NUF2: variants seen among roughly 807,000 people sequenced by gnomAD.
The protein encoded by NUF2 is NUF2 component of NDC80 kinetochore complex.
NUF2 carries 34 observed loss-of-function variants against 61.8 expected under a neutral mutation model. That is an observed-to-expected ratio of 0.55 (90% CI 0.42 to 0.73). The LOEUF (loss-of-function observed/expected upper bound fraction) is 0.73. NUF2 is among the 30% of genes least tolerant of loss of function. NUF2 has a pLI of 0.00. For synonymous variants in NUF2, 172 were observed against 181.6 expected (o/e 0.95, Z 0.42); for missense variants, 445 against 539.1 (o/e 0.83, Z 1.73).
At chr1:163,338,237 TA>T (rs11330875) in intron 7 of NUF2, 144 bp downstream of exon 7, 112,069 of 370,092 alleles carry the variant, frequency 0.3, 8,594 homozygotes, top group East Asian at 0.47. Flanking sequence ...TGCCTTTTCT[TA>T]AAAAAAAAAA....
Position 163,343,747 on chromosome 1 carries a change from G to A in NUF2, c.684G>A (p.Leu228=), listed in dbSNP as rs375949382. Residue 228 remains leucine, a synonymous_variant, in exon 10 of 14, where the codon TTG becomes TTA. Transcript: ENST00000271452. The part of the protein sequence containing the change: ...EKTKRLNELK[L]SVVSLKEIQE... ...TTTCTCAACAGAATGAACTAAAATT[G>A]TCGGTGGTTTCTTTGAAAGAAATAC... is the stretch of plus-strand genomic sequence containing the variant. 1.4e-6 allele frequency: 2 copies of A among 1,404,270 alleles called. No individual in the cohort carries two copies. The highest frequency in any genetic ancestry group is 1.5e-5 in the African/African-American group (1 of 66,444). 87.0% of individuals were successfully genotyped at this position (1,404,270 alleles called of 1,614,324 possible). A position where few individuals can be genotyped will look rare whatever the true frequency, so the allele number is the denominator to read the frequency against.
chr1:163,330,823 T>C (rs2101670381), intron 5 of NUF2, among the ~76,000 whole-genome samples: 2 of 152,190 alleles, frequency 1.3e-5, no homozygotes, highest in Middle Eastern at 6.8e-3. Flanking sequence ...TTTTTAGTGG[T>C]TCTGTAAATT....
rs945411340 is a variant in NUF2 at position 163,331,418 on chromosome 1, A to C, written c.337+2511A>C. On this transcript the variant is annotated intron_variant, in intron 5 of 13. Transcript: ENST00000271452. ...GATTTGATTTGCTAATATTTTATTA[A>C]GTTTTTTTGTCTGTGTTCATGATGG... Among the ~76,000 whole-genome samples the C allele has an allele frequency of 2.6e-4, 39 of 151,778 alleles. 1 individual carries two copies. The highest frequency in any genetic ancestry group is 1.5e-5 in the Non-Finnish European group (1 of 67,844).
Position 163,355,537 on chromosome 1 carries a change from T to A in NUF2, c.*68T>A, listed in dbSNP as rs968407892. ...TTAATTTTCTATTTAGAAAGAAAAG[T>A]TGAAGCGAATGGAAGTATCAGAAGT... On this transcript the variant is annotated 3_prime_UTR_variant, in exon 14 of 14. Coordinates refer to ENST00000271452, the MANE Select transcript of NUF2 (RefSeq NM_145697.3). The A allele has an allele frequency of 4.2e-5, 60 of 1,415,986 alleles. No homozygotes were observed. The highest frequency in any genetic ancestry group is 5.7e-5 in the Non-Finnish European group (59 of 1,037,516). 87.7% of individuals were successfully genotyped at this position (1,415,986 alleles called of 1,614,324 possible). A position where few individuals can be genotyped will look rare whatever the true frequency, so the allele number is the denominator to read the frequency against.
At position 163,347,941 on chromosome 1, in the gene NUF2, A is replaced by G; in HGVS notation, c.1124+3A>G. 1 of 1,506,084 alleles carries G rather than the reference A, an allele frequency of 6.6e-7. No individual in the cohort carries two copies. Among genetic ancestry groups the G allele is most frequent in the Non-Finnish European group, 8.9e-7 (1 of 1,125,566 alleles). 93.3% of individuals were successfully genotyped at this position (1,506,084 alleles called of 1,614,324 possible). A position where few individuals can be genotyped will look rare whatever the true frequency, so the allele number is the denominator to read the frequency against. On this transcript the variant is annotated splice_donor_region_variant and intron_variant, in intron 12 of 13. Coordinates refer to ENST00000271452, the MANE Select transcript of NUF2 (RefSeq NM_145697.3). The stretch of plus-strand genomic sequence containing the variant: ...CAATACAAACGCACAGTAATTGAGT[A>G]TGGAGTTGTTTTCAATTTTAGTGTA...
intron 5 of NUF2, among the ~76,000 whole-genome samples, chr1:163,332,162 G>A (rs1019461594): frequency 5.9e-5 from 9 of 151,816 alleles, no homozygotes; most frequent in South Asian, 2.1e-4. Context: ...CCCAAACCTT[G>A]ATATGTTGTA....
chr1:163,326,367 C>T (rs1347796281), intron 2 of NUF2, among the ~76,000 whole-genome samples, 193 bp downstream of exon 2: 1 of 151,080 alleles, frequency 6.6e-6, no homozygotes, highest in Non-Finnish European at 1.5e-5. Context: ...CTTCTACATT[C>T]CCATTAGGAT....
chr1:163,342,235 T>G (rs1029518768), intron 9 of NUF2, among the ~76,000 whole-genome samples: 1 of 151,206 alleles, frequency 6.6e-6, no homozygotes, highest in Non-Finnish European at 1.5e-5. Flanking sequence ...TTTTTCTATC[T>G]TTTTTTTTGC....
intron 5 of NUF2, among the ~76,000 whole-genome samples, chr1:163,330,561 G>A (rs1209812618): frequency 2.0e-5 from 3 of 151,972 alleles, no homozygotes; most frequent in South Asian, 2.1e-4. Flanking sequence ...ATCTCTATAT[G>A]TATTTTAGTA....
chr1:163,343,508 A>C (rs939695554), intron 9 of NUF2, among the ~76,000 whole-genome samples: 3 of 152,114 alleles, frequency 2.0e-5, no homozygotes, highest in Non-Finnish European at 4.4e-5. Context: ...AGACAGGAAG[A>C]GAGTTAAGAG....
At chr1:163,353,680 C>T (rs1265717616) in intron 13 of NUF2, among the ~76,000 whole-genome samples, 1 of 152,076 alleles carries the variant, frequency 6.6e-6, no homozygotes, top group East Asian at 1.9e-4. Flanking sequence ...AGTAAAATTC[C>T]ACTTGGATGT....
intron 5 of NUF2, among the ~76,000 whole-genome samples, chr1:163,329,804 T>C (rs533324996): frequency 6.6e-6 from 1 of 152,292 alleles, no homozygotes; most frequent in South Asian, 2.1e-4. Flanking sequence ...ATTACCAGAA[T>C]TTGAAAGTAG....
intron 2 of NUF2, among the ~76,000 whole-genome samples, chr1:163,326,968 G>A (rs990109923): frequency 2.0e-5 from 3 of 152,144 alleles, no homozygotes; most frequent in South Asian, 2.1e-4. Flanking sequence ...AGGAACTGCT[G>A]TTTTAGAAGA....
At chr1:163,349,399 A>G (rs1288491325) in intron 13 of NUF2, among the ~76,000 whole-genome samples, 1 of 152,146 alleles carries the variant, frequency 6.6e-6, no homozygotes, top group Non-Finnish European at 1.5e-5. Flanking sequence ...TAATATATTT[A>G]TTAAATATTT....
chr1:163,349,165 C>T (rs750372788), intron 13 of NUF2, 85 bp downstream of exon 13: 1 of 1,174,698 alleles, frequency 8.5e-7, no homozygotes, highest in Non-Finnish European at 1.2e-6. Context: ...CTTACTTGGT[C>T]TCTGTGTAAT....
chr1:163,328,600 G>A (rs866817453), intron 4 of NUF2: 3 of 504,326 alleles, frequency 5.9e-6, no homozygotes, highest in Admixed American at 7.4e-5. Flanking sequence ...GTGTCACCAA[G>A]TTTATGTACT....
intron 10 of NUF2, 35 bp downstream of exon 10, chr1:163,343,905 TAAA>T: frequency 2.7e-6 from 3 of 1,121,670 alleles, no homozygotes; most frequent in Non-Finnish European, 3.5e-6. Context: ...CTTTTGTATC[TAAA>T]AAAAAAAATT....
chr1:163,341,478 G>A (rs371559318), intron 9 of NUF2, among the ~76,000 whole-genome samples: 1 of 152,086 alleles, frequency 6.6e-6, no homozygotes, highest in Non-Finnish European at 1.5e-5. Context: ...AAAGTGCTGG[G>A]ATTACAGGCA....
At chr1:163,353,192 T>C (rs972619622) in intron 13 of NUF2, among the ~76,000 whole-genome samples, 2 of 152,250 alleles carry the variant, frequency 1.3e-5, no homozygotes, top group Admixed American at 1.3e-4. Context: ...GAAACCATAA[T>C]TGGTGTCTTT....
Sources: gnomAD v4.1 joint callset for allele counts (sites outside exome capture counted in the v4.1 genomes callset) on GRCh38, gnomAD v4.1.1 for gene constraint, MANE v1.5 for transcripts, NCBI Gene and HGNC (gene_info 2026-07-23, HGNC 2026-07-21) for gene names.